The following INPP5A variants were observed in gnomAD, a reference collection of about 807,000 sequenced individuals.
INPP5A encodes 43 kDa inositol polyphosphate 5-phophatase.
A neutral mutation model predicts 65.2 loss-of-function variants in INPP5A; 14 were observed. That is an observed-to-expected ratio of 0.21 (90% CI 0.14 to 0.34). The LOEUF (loss-of-function observed/expected upper bound fraction) is 0.34. Ranked by LOEUF, INPP5A falls within the 10% of genes least tolerant of loss-of-function variation. The pLI is 1.00. For missense variants in INPP5A, 431 were observed against 545.6 expected (o/e 0.79, Z 2.09); for synonymous variants, 207 against 208.3 (o/e 0.99, Z 0.05).
chr10:132,629,019 G>T (rs927230850), intron 2 of INPP5A, among the ~76,000 whole-genome samples: 1 of 152,204 alleles, frequency 6.6e-6, no homozygotes, highest in Non-Finnish European at 1.5e-5. Flanking sequence ...TTGACCCTGA[G>T]CCGTGGCCGC....
At chr10:132,691,735 G>C (rs1845266581) in intron 5 of INPP5A, among the ~76,000 whole-genome samples, 1 of 152,216 alleles carries the variant, frequency 6.6e-6, no homozygotes, top group African/African-American at 2.4e-5. Context: ...AGCATGTCCT[G>C]AGCACGTGGT....
chr10:132,578,534 C>T (rs537895226), intron 1 of INPP5A, among the ~76,000 whole-genome samples: 155 of 146,014 alleles, frequency 1.1e-3, no homozygotes, highest in Non-Finnish European at 7.0e-4. Flanking sequence ...CGGGGAGTCT[C>T]ATCCAGGAGA....
intron 12 of INPP5A, among the ~76,000 whole-genome samples, chr10:132,774,601 A>AG (rs1468103361): frequency 1.3e-5 from 2 of 152,126 alleles, no homozygotes; most frequent in African/African-American, 4.8e-5. Context: ...CTGTGCCGTC[A>AG]GCCCTGCCCC....
chr10:132,642,307 G>A (rs887716908), intron 2 of INPP5A, among the ~76,000 whole-genome samples: 3 of 152,202 alleles, frequency 2.0e-5, no homozygotes, highest in Non-Finnish European at 2.9e-5. Flanking sequence ...GGCGGGCTGG[G>A]GACGACATCT....
At chr10:132,671,425 C>CGCCCTCCCTGCTTCGGACTCG (rs1564958055) in intron 4 of INPP5A, among the ~76,000 whole-genome samples, 16 of 151,270 alleles carry the variant, frequency 1.1e-4, no homozygotes, top group Admixed American at 4.0e-4. Flanking sequence ...CTTCGGACTC[C>CGCCCTCCCTGCTTCGGACTCG]GCCCTCCCTG....
At chr10:132,594,711 G>A (rs2071662502) in intron 1 of INPP5A, among the ~76,000 whole-genome samples, 1 of 152,200 alleles carries the variant, frequency 6.6e-6, no homozygotes, top group Admixed American at 6.5e-5. Context: ...TGTGTGGCAT[G>A]TGTGTTTGGG....
chr10:132,767,954 A>G (rs1846880731), intron 12 of INPP5A, among the ~76,000 whole-genome samples: 1 of 143,844 alleles, frequency 7.0e-6, no homozygotes. Context: ...GTGGCATTCC[A>G]GAAAGATCCA....
intron 4 of INPP5A, among the ~76,000 whole-genome samples, chr10:132,669,003 C>T (rs1178872040): frequency 6.6e-6 from 1 of 151,924 alleles, no homozygotes; most frequent in African/African-American, 2.4e-5. Context: ...TCCTGTAATC[C>T]CAGCATTTTG....
intron 4 of INPP5A, among the ~76,000 whole-genome samples, chr10:132,672,957 T>C (rs1014473227): frequency 1.3e-5 from 2 of 152,236 alleles, no homozygotes; most frequent in Non-Finnish European, 2.9e-5. Context: ...TCTGGGTCAC[T>C]TGTAGTCTTG....
intron 4 of INPP5A, among the ~76,000 whole-genome samples, chr10:132,680,797 C>T (rs61862803): frequency 4.6e-5 from 7 of 151,810 alleles, no homozygotes; most frequent in Non-Finnish European, 7.4e-5. Flanking sequence ...AGCACCCGGG[C>T]CAGCAGCTGC....
At chr10:132,711,910 A>C (rs1359155186) in intron 8 of INPP5A, among the ~76,000 whole-genome samples, 16 of 152,144 alleles carry the variant, frequency 1.1e-4, no homozygotes, top group Non-Finnish European at 1.5e-5. Flanking sequence ...AGCCTCTGGG[A>C]GGCTTCCTGG....
intron 9 of INPP5A, 91 bp from the exon 10 acceptor site, chr10:132,749,426 C>T: frequency 8.6e-7 from 1 of 1,163,966 alleles, no homozygotes; most frequent in Non-Finnish European, 1.2e-6. Flanking sequence ...TGGAACCAGC[C>T]ATCCTATCCC....
At chr10:132,596,854 T>A (rs61862760) in intron 1 of INPP5A, among the ~76,000 whole-genome samples, 3 of 86,104 alleles carry the variant, frequency 3.5e-5, no homozygotes, top group Admixed American at 1.2e-4. Flanking sequence ...CATGCGTGTG[T>A]GTGCATGTGT....
Position 132,603,802 on chromosome 10 carries a change from C to T in INPP5A, c.76-4113C>T, listed in dbSNP as rs1442805711. 6.6e-6 allele frequency among the ~76,000 whole-genome samples: 1 copy of T among 152,128 alleles called. No homozygotes were observed. The highest frequency in any genetic ancestry group is 1.5e-5 in the Non-Finnish European group (1 of 68,010). On this transcript the variant is annotated intron_variant, in intron 1 of 15. Transcript: ENST00000368594. The surrounding 1 kb of genome is among the most constrained non-coding windows in gnomAD (Gnocchi z 4.2). ...ACTCTGTTCCACCTTTCCCTGCCTC[C>T]GTTTTCAGCCCTTGGTTCTGTACTG...
chr10:132,602,984 T>A lies in INPP5A; in HGVS notation c.76-4931T>A, dbSNP rs112321724. On this transcript the variant is annotated intron_variant, in intron 1 of 15. Transcript: ENST00000368594. ...TGTGGTTTCAAGTCTTATGTTCATA[T>A]CTTCTGAATCTATCTGGAGTTTAGT... Among the ~76,000 whole-genome samples the A allele has an allele frequency of 8.1e-3, 1,235 of 152,350 alleles. 15 individuals are homozygous for A. The highest frequency in any genetic ancestry group is 0.028 in the African/African-American group (1,184 of 41,576).
chr10:132,761,974 G>A (rs1477851520), intron 11 of INPP5A, among the ~76,000 whole-genome samples: 1 of 152,134 alleles, frequency 6.6e-6, no homozygotes, highest in Non-Finnish European at 1.5e-5. Context: ...ATAAAAAAAA[G>A]TAGGACTCAT....
In INPP5A at chr10:132,650,434, G is replaced by A; in HGVS notation, c.235G>A (p.Asp79Asn). The A allele has an allele frequency of 6.2e-7, 1 of 1,613,558 alleles. No individual in the cohort carries two copies. The highest frequency in any genetic ancestry group is 8.5e-7 in the Non-Finnish European group (1 of 1,179,510). Residue 79 changes from aspartate (D) to asparagine (N), a missense_variant, in exon 4 of 16, where the codon GAT becomes AAT. Transcript: ENST00000368594. The surrounding 1 kb of genome is among the most constrained non-coding windows in gnomAD (Gnocchi z 5.5). ...DKFVKELLSS[D>N]AMKEYNRARV... ...TCCTTCCAGAGAACTATTGTCGAGT[G>A]ATGCGATGAAAGAATATAACAGGGC... is the stretch of plus-strand genomic sequence containing the variant.
chr10:132,568,738 CAA>C (rs2071302441), intron 1 of INPP5A, among the ~76,000 whole-genome samples: 1 of 152,000 alleles, frequency 6.6e-6, no homozygotes, highest in Non-Finnish European at 1.5e-5. Flanking sequence ...GCCTGGGCGA[CAA>C]GAGTGAAACT....
intron 1 of INPP5A, among the ~76,000 whole-genome samples, chr10:132,563,005 G>GCGC (rs1270951238): frequency 6.6e-6 from 1 of 152,236 alleles, no homozygotes; most frequent in African/African-American, 2.4e-5. Context: ...TGTGGGGAGG[G>GCGC]CGCGGGGAGG....
Sources: allele counts gnomAD v4.1 joint callset (sites outside exome capture counted in the v4.1 genomes callset), GRCh38; gene constraint gnomAD v4.1.1; non-coding constraint Gnocchi (gnomAD v3.1); transcripts MANE v1.5; gene names NCBI Gene and HGNC (gene_info 2026-07-23, HGNC 2026-07-21).